The following ADAMTSL1 variants were observed in gnomAD, a reference collection of about 807,000 sequenced individuals.
The protein encoded by ADAMTSL1 is ADAMTS like 1, also known as ADAMTS-like protein 1.
In ADAMTSL1, 126 loss-of-function variants were observed where a neutral mutation model predicts 201.8. The observed-to-expected ratio is 0.62, with a 90% CI of 0.54 to 0.72. The LOEUF (loss-of-function observed/expected upper bound fraction) is 0.72, where lower values mean the gene tolerates loss of function less well. Ranked by LOEUF, ADAMTSL1 falls within the 30% of genes least tolerant of loss-of-function variation. The pLI, the probability that ADAMTSL1 is intolerant of heterozygous loss-of-function variation, is 0.00. For missense variants in ADAMTSL1, 2,679 were observed against 2,277.8 expected (o/e 1.18, Z -3.59); for synonymous variants, 1,121 against 903.4 (o/e 1.24, Z -4.32).
At chr9:18,117,948 A>G (rs1378311202) in intron 1 of ADAMTSL1, among the ~76,000 whole-genome samples, 1 of 152,162 alleles carries the variant, frequency 6.6e-6, no homozygotes, top group Non-Finnish European at 1.5e-5. Flanking sequence ...TTGATCATTT[A>G]AAACTTTAAC....
chr9:18,350,070 G>T (rs549108175), intron 2 of ADAMTSL1, among the ~76,000 whole-genome samples: 6 of 151,958 alleles, frequency 3.9e-5, no homozygotes, highest in Non-Finnish European at 8.8e-5. Context: ...CTCTCAAAGA[G>T]CTAGAGAATG....
intron 4 of ADAMTSL1, among the ~76,000 whole-genome samples, chr9:18,611,173 A>T (rs1825337953): frequency 6.6e-6 from 1 of 152,186 alleles, no homozygotes; most frequent in African/African-American, 2.4e-5. Flanking sequence ...AAAGTATACC[A>T]TGATGTCACC....
intron 2 of ADAMTSL1, among the ~76,000 whole-genome samples, chr9:18,307,406 A>G (rs1239915386): frequency 6.6e-6 from 1 of 152,178 alleles, no homozygotes; most frequent in Non-Finnish European, 1.5e-5. Flanking sequence ...GGAAAATTGG[A>G]TAAAGGGTCA....
intron 1 of ADAMTSL1, among the ~76,000 whole-genome samples, chr9:17,940,734 A>C (rs367731417): frequency 6.6e-6 from 1 of 150,772 alleles, no homozygotes; most frequent in African/African-American, 2.4e-5. Context: ...AAAAGAAAAA[A>C]AAGAAAAAAA....
chr9:18,894,243 A>G (rs1011114229), intron 26 of ADAMTSL1, among the ~76,000 whole-genome samples: 2 of 152,128 alleles, frequency 1.3e-5, no homozygotes, highest in Non-Finnish European at 2.9e-5. Context: ...TCAGCTACTC[A>G]GGAGGCTGAG....
intron 28 of ADAMTSL1, 193 bp downstream of exon 28, chr9:18,907,105 T>C (rs1372256776): frequency 1.6e-6 from 1 of 622,750 alleles, no homozygotes; most frequent in Non-Finnish European, 2.8e-6. Context: ...CATGACAGGG[T>C]ATGCCCCAAG....
intron 2 of ADAMTSL1, among the ~76,000 whole-genome samples, chr9:18,425,397 T>G (rs938917181): frequency 6.1e-5 from 6 of 98,302 alleles, no homozygotes; most frequent in African/African-American, 1.6e-4. Flanking sequence ...AATAGAGTTC[T>G]GTTAGAATAG....
At chr9:18,331,010 A>G (rs910640776) in intron 2 of ADAMTSL1, among the ~76,000 whole-genome samples, 4 of 152,172 alleles carry the variant, frequency 2.6e-5, no homozygotes, top group East Asian at 1.9e-4. Flanking sequence ...TTCAGCCTCA[A>G]TTGGGTATGG....
chr9:17,975,944 C>T (rs1818428647), intron 1 of ADAMTSL1, among the ~76,000 whole-genome samples: 1 of 151,962 alleles, frequency 6.6e-6, no homozygotes, highest in Non-Finnish European at 1.5e-5. Flanking sequence ...ATGTGGATAT[C>T]CAGTTTTTCC....
intron 2 of ADAMTSL1, among the ~76,000 whole-genome samples, chr9:18,236,721 C>G (rs1481407799): frequency 6.6e-6 from 1 of 152,162 alleles, no homozygotes; most frequent in African/African-American, 2.4e-5. Context: ...GGAATTAAAT[C>G]TTAGCTATAT....
chr9:18,433,078 C>A (rs553120360), intron 2 of ADAMTSL1, among the ~76,000 whole-genome samples: 8 of 151,976 alleles, frequency 5.3e-5, no homozygotes, highest in Non-Finnish European at 1.5e-5. Flanking sequence ...ACCAACAAAA[C>A]CTCCTGTTTG....
intron 2 of ADAMTSL1, among the ~76,000 whole-genome samples, chr9:18,186,050 T>G (rs1264033129): frequency 3.3e-5 from 5 of 152,224 alleles, no homozygotes; most frequent in Non-Finnish European, 7.3e-5. Context: ...TAAGTAAATA[T>G]TTTAAGTTAT....
intron 2 of ADAMTSL1, among the ~76,000 whole-genome samples, chr9:18,428,495 C>T (rs937668191): frequency 1.3e-5 from 2 of 151,430 alleles, no homozygotes; most frequent in African/African-American, 4.9e-5. Flanking sequence ...TAGCAGGCAC[C>T]TGTGGGCCCA....
At chr9:18,074,534 C>CTTTTCTTTTCTTTTCTTTTT (rs1823120349) in intron 1 of ADAMTSL1, among the ~76,000 whole-genome samples, 1 of 134,772 alleles carries the variant, frequency 7.4e-6, no homozygotes, top group Non-Finnish European at 1.6e-5. Context: ...CTTTTCTTTT[C>CTTTTCTTTTCTTTTCTTTTT]TTCTCTCTTC....
intron 1 of ADAMTSL1, among the ~76,000 whole-genome samples, chr9:18,081,486 T>C (rs948486457): frequency 2.6e-5 from 4 of 152,216 alleles, no homozygotes; most frequent in Non-Finnish European, 5.9e-5. Flanking sequence ...TCAGTAGTCC[T>C]ATTAAACATT....
chr9:18,809,460 A>C (rs1446802639), intron 20 of ADAMTSL1, among the ~76,000 whole-genome samples: 1 of 152,154 alleles, frequency 6.6e-6, no homozygotes, highest in Non-Finnish European at 1.5e-5. Flanking sequence ...GATATAGACC[A>C]CTGGGTCTTA....
intron 17 of ADAMTSL1, among the ~76,000 whole-genome samples, chr9:18,775,208 C>G (rs916379002): frequency 2.6e-5 from 4 of 152,190 alleles, no homozygotes; most frequent in African/African-American, 4.8e-5. Flanking sequence ...AGGAACTATT[C>G]TTGCACATCT....
intron 3 of ADAMTSL1, among the ~76,000 whole-genome samples, chr9:18,536,429 TCTCCCC>T (rs1819777848): frequency 6.9e-6 from 1 of 144,350 alleles, no homozygotes; most frequent in African/African-American, 2.6e-5. Flanking sequence ...GTAGAAAACA[TCTCCCC>T]AGTTTCCCTT....
At chr9:18,415,706 CT>C (rs533990625) in intron 2 of ADAMTSL1, among the ~76,000 whole-genome samples, 10 of 151,744 alleles carry the variant, frequency 6.6e-5, no homozygotes, top group Admixed American at 1.3e-4. Context: ...TCTCAACAAA[CT>C]CTAAGGACAA....
Sources: gnomAD v4.1 joint callset for allele counts (sites outside exome capture counted in the v4.1 genomes callset) on GRCh38, gnomAD v4.1.1 for gene constraint, MANE v1.5 for transcripts, NCBI Gene and HGNC (gene_info 2026-07-23, HGNC 2026-07-21) for gene names.